DNAJC28: variants seen among roughly 807,000 people sequenced by gnomAD.
The protein encoded by DNAJC28 is dnaJ homolog subfamily C member 28.
Under a neutral mutation model 33.3 loss-of-function variants are expected in DNAJC28, and 24 were observed. That is an observed-to-expected ratio of 0.72 (90% CI 0.52 to 1.01). The LOEUF (loss-of-function observed/expected upper bound fraction) is 1.01. Ranked by LOEUF, DNAJC28 falls within the 50% of genes least tolerant of loss-of-function variation. The pLI is 0.00. For synonymous variants in DNAJC28, 120 were observed against 147.2 expected, an observed-to-expected ratio of 0.82 and a Z score of 1.34; for missense variants, 442 against 455.2, an observed-to-expected ratio of 0.97 and a Z score of 0.26.
At chr21:33,490,540 G>T (rs918033715) in intron 1 of DNAJC28, among the ~76,000 whole-genome samples, 2 of 151,990 alleles carry the variant, frequency 1.3e-5, no homozygotes, top group Non-Finnish European at 1.5e-5. Flanking sequence ...TTAGGAGGCC[G>T]AGGTGGGTGG....
rs763615269 is a variant in DNAJC28, at chr21:33,489,036, C to CT, written c.357dup (p.Glu120ArgfsTer10). On this transcript the variant is annotated frameshift_variant, in exon 2 of 2. Coordinates refer to ENST00000381947, the MANE Select transcript of DNAJC28 (RefSeq NM_001040192.3). LOFTEE classifies it high-confidence loss of function. Reference sequence around the variant, plus strand: ...TATTTGAATTTTTCTACATCTTCTTCTTCTTCACCTTTACTCTGACTGGCA... The same window carrying CT: ...TATTTGAATTTTTCTACATCTTCTTCTTTCTTCACCTTTACTCTGACTGGCA... The CT allele has an allele frequency of 2.5e-6, 4 of 1,612,346 alleles. No homozygotes were observed. The highest frequency in any genetic ancestry group is 3.4e-6 in the Non-Finnish European group (4 of 1,179,612).
Position 33,489,273 on chromosome 21 carries a change from A to T in DNAJC28, c.121T>A (p.Ser41Thr). The T allele has an allele frequency of 6.2e-7, 1 of 1,603,046 alleles. No homozygotes were observed. Among genetic ancestry groups the T allele is most frequent in the Non-Finnish European group, 8.5e-7 (1 of 1,176,846 alleles). Reference protein sequence around the residue: ...YFGIIRNRMMSTHKSKKKIRE... With the variant: ...YFGIIRNRMMTTHKSKKKIRE... ...ATCTTCTTTTTGGATTTATGGGTTG[A>T]CATCATTCTATTTCTAATGATACCA... The change falls in exon 2 of 2, where the codon TCA becomes ACA. Residue 41 changes from serine to threonine, a missense_variant. Ser to Thr is a moderately conservative substitution (Grantham distance 58). Coordinates refer to ENST00000381947, the MANE Select transcript of DNAJC28 (RefSeq NM_001040192.3).
intron 1 of DNAJC28, chr21:33,491,299 T>A (rs995412089): frequency 6.6e-6 from 1 of 152,222 alleles, no homozygotes; most frequent in African/African-American, 2.4e-5. Flanking sequence ...ATATAAACGC[T>A]AAAACGGAGC....
rs527606897 is a variant in DNAJC28, at chr21:33,488,822, CTCTG to C, written c.568_571del (p.Gln190AlafsTer6). The C allele has an allele frequency of 6.9e-5, 112 of 1,613,054 alleles. No individual in the cohort carries two copies. The highest frequency in any genetic ancestry group is 2.0e-4 in the African/African-American group (15 of 74,922). On this transcript the variant is annotated frameshift_variant, in exon 2 of 2. Transcript: ENST00000381947. LOFTEE classifies it high-confidence loss of function. ...AGCTTGCGTTATCTTTTGCTGTTTG[CTCTG>C]TCTTATATTTTTAACAATTACACTA...
Position 33,488,599 on chromosome 21 carries a change from A to G in DNAJC28, c.795T>C (p.Asp265=). 1 of 1,613,992 alleles carries G rather than the reference A, an allele frequency of 6.2e-7. No individual in the cohort carries two copies. The highest frequency in any genetic ancestry group is 8.5e-7 in the Non-Finnish European group (1 of 1,179,996). Residue 265 remains aspartate (D), a synonymous_variant, in exon 2 of 2, where the codon GAT becomes GAC. Transcript: ENST00000381947. ...TTGCCTCTCTGAGTTGCTCAATAGT[A>G]TCGCTTATTTCCTTTTGCTTAAGGA... ...EWILKQKEIS[D]TIEQLREAIL...
chr21:33,489,240 A>G lies in DNAJC28; in HGVS notation c.154T>C (p.Tyr52His), dbSNP rs2084497742. ...TCCTCCACGTTCAGCAGTCTATAATATTCTCTGATCTTCTTTTTGGATTTA... is the reference window on the plus strand; with the variant it reads ...TCCTCCACGTTCAGCAGTCTATAATGTTCTCTGATCTTCTTTTTGGATTTA... ...THKSKKKIRE[Y>H]YRLLNVEEGC... is the part of the protein sequence containing the mutation. Residue 52 changes from tyrosine to histidine, a missense_variant, in exon 2 of 2, where the codon TAT becomes CAT. Tyr to His is a moderately conservative substitution (Grantham distance 83). Transcript: ENST00000381947. The G allele has an allele frequency of 1.2e-6, 2 of 1,601,032 alleles. No homozygotes were observed. The highest frequency in any genetic ancestry group is 3.6e-5 in the Admixed American group (2 of 56,042).
chr21:33,488,101 T>C lies in DNAJC28; in HGVS notation c.*126A>G. On this transcript the variant is annotated 3_prime_UTR_variant, in exon 2 of 2. Transcript: ENST00000381947. ...TGATAGGTTTCTCACTCACACATCA[T>C]TGGCTATGTGATTAGTTTTGTGATA... is the stretch of plus-strand genomic sequence containing the variant. The C allele has an allele frequency of 2.7e-6, 2 of 748,282 alleles. No individual in the cohort carries two copies. The highest frequency in any genetic ancestry group is 4.0e-6 in the Non-Finnish European group (2 of 494,692). 46.4% of individuals were successfully genotyped at this position (748,282 alleles called of 1,614,324 possible).
intron 1 of DNAJC28, among the ~76,000 whole-genome samples, chr21:33,490,876 C>T (rs2084516311): frequency 6.6e-6 from 1 of 152,102 alleles, no homozygotes; most frequent in African/African-American, 2.4e-5. Flanking sequence ...AATGAGAAAA[C>T]GTAGGTCCGG....
intron 1 of DNAJC28, chr21:33,491,226 A>C (rs2084520227): frequency 6.6e-6 from 1 of 152,260 alleles, no homozygotes; most frequent in African/African-American, 2.4e-5. Flanking sequence ...CTCGAAGAGG[A>C]GGAAGACTTG....
chr21:33,489,321 G>A lies in DNAJC28; in HGVS notation c.73C>T (p.Arg25Ter), dbSNP rs748471111. 1.5e-5 allele frequency: 24 copies of A among 1,582,782 alleles called. No homozygotes were observed. In the African/African-American group the frequency reaches 2.0e-4, roughly 13 times the overall value. Residue 25 changes from arginine (R) to a stop codon, truncating the protein, a stop_gained, in exon 2 of 2, where the codon CGA becomes TGA. Coordinates refer to ENST00000381947, the MANE Select transcript of DNAJC28 (RefSeq NM_001040192.3). LOFTEE classifies it high-confidence loss of function. ...CCAAAATATGGAAGCATTTTCACTCGATTAGGAATCACTGTAGCCTTTATC... is the reference window on the plus strand; with the variant it reads ...CCAAAATATGGAAGCATTTTCACTCAATTAGGAATCACTGTAGCCTTTATC... ...HLIKATVIPN[R>*]VKMLPYFGII...
chr21:33,489,567 C>CTTTTT (rs769632462), intron 1 of DNAJC28, 143 bp from the exon 2 acceptor site: 17 of 359,570 alleles, frequency 4.7e-5, no homozygotes, highest in African/African-American at 2.1e-4. Flanking sequence ...CAACTTTTTC[C>CTTTTT]TTTTTTTTTT....
rs1444414475 is a variant in DNAJC28, at chr21:33,489,387, T to A, written c.7A>T (p.Thr3Ser). Residue 3 changes from threonine (T) to serine (S), a missense_variant, in exon 2 of 2, where the codon ACA (threonine) becomes TCA (serine). Thr to Ser is a moderately conservative substitution (Grantham distance 58). Coordinates refer to ENST00000381947, the MANE Select transcript of DNAJC28 (RefSeq NM_001040192.3). The stretch of plus-strand genomic sequence containing the variant: ...ATCTGAGCCATCATCACATACATTG[T>A]ATTCATTATTGTACCCAGAGTTCTT... MNTMYVMMAQILR... is the reference protein window; with the variant it reads MNSMYVMMAQILR... 5 of 1,512,490 alleles carry A rather than the reference T, an allele frequency of 3.3e-6. No homozygotes were observed. Among genetic ancestry groups the A allele is most frequent in the Non-Finnish European group, 3.5e-6 (4 of 1,135,738 alleles). 93.7% of individuals were successfully genotyped at this position (1,512,490 alleles called of 1,614,324 possible). A position where few individuals can be genotyped will look rare whatever the true frequency, so the allele number is the denominator to read the frequency against.
At chr21:33,490,354 G>T (rs564734776) in intron 1 of DNAJC28, among the ~76,000 whole-genome samples, 51 of 151,376 alleles carry the variant, frequency 3.4e-4, no homozygotes, top group African/African-American at 1.2e-3. Context: ...TGATCTGCCC[G>T]CCTCGACCTC....
rs1254880217 is a variant in DNAJC28 at position 33,488,896 on chromosome 21, C to T, written c.498G>A (p.Val166=). The part of the protein sequence containing the change: ...QFRADRAAEQ[V]MEYQKQKLQS... ...GTAGTTTCTGCTTTTGATATTCCAT[C>T]ACTTGTTCAGCAGCACGGTCTGCCC... Residue 166 remains valine, a synonymous_variant, in exon 2 of 2, where the codon GTG becomes GTA. Transcript: ENST00000381947. 1 of 1,611,062 alleles carries T rather than the reference C, an allele frequency of 6.2e-7. No homozygotes were observed. The highest frequency in any genetic ancestry group is 2.2e-5 in the East Asian group (1 of 44,886).
chr21:33,488,835 T>G lies in DNAJC28; in HGVS notation c.559A>C (p.Asn187His). The part of the protein sequence containing the change: ...QYFPDSVIVK[N>H]IRQSKQQKIT... ...TTTTGCTGTTTGCTCTGTCTTATAT[T>G]TTTAACAATTACACTATCAGGAAAA... The change falls in exon 2 of 2, where the codon AAT (asparagine) becomes CAT (histidine). Residue 187 changes from asparagine to histidine, a missense_variant. Asn to His is a moderately conservative substitution (Grantham distance 68). Coordinates refer to ENST00000381947, the MANE Select transcript of DNAJC28 (RefSeq NM_001040192.3). The G allele has an allele frequency of 6.2e-7, 1 of 1,611,808 alleles. No individual in the cohort carries two copies. The highest frequency in any genetic ancestry group is 8.5e-7 in the Non-Finnish European group (1 of 1,179,554).
In DNAJC28 at chr21:33,488,535, G is replaced by A; in HGVS notation, c.859C>T (p.Pro287Ser). Reference protein sequence around the residue: ...SRKKLGNPMTPTEKKQWNHVC... With the variant: ...SRKKLGNPMTSTEKKQWNHVC... ...TGGTTCCACTGTTTCTTTTCAGTTG[G>A]TGTCATTGGATTCCCAAGTTTTTTC... is the stretch of plus-strand genomic sequence containing the variant. Residue 287 changes from proline (P) to serine (S), a missense_variant, in exon 2 of 2, where the codon CCA becomes TCA. Transcript: ENST00000381947. 6.2e-7 allele frequency: 1 copy of A among 1,613,180 alleles called. No individual in the cohort carries two copies. The highest frequency in any genetic ancestry group is 8.5e-7 in the Non-Finnish European group (1 of 1,179,844).
At chr21:33,489,566 C>CA in intron 1 of DNAJC28, 142 bp from the exon 2 acceptor site, 1 of 429,782 alleles carries the variant, frequency 2.3e-6, no homozygotes, top group Non-Finnish European at 3.9e-6. Context: ...TCAACTTTTT[C>CA]CTTTTTTTTT....
At position 33,488,809 on chromosome 21, in the gene DNAJC28, C is replaced by G; in HGVS notation, c.585G>C (p.Lys195Asn). The change falls in exon 2 of 2, where the codon AAG (lysine) becomes AAC (asparagine). Residue 195 changes from lysine (K) to asparagine (N), a missense_variant. Transcript: ENST00000381947. ...VKNIRQSKQQKITQAIERLVE... is the reference protein window; with the variant it reads ...VKNIRQSKQQNITQAIERLVE... Reference sequence around the variant, plus strand: ...CTAAACGTTCTATAGCTTGCGTTATCTTTTGCTGTTTGCTCTGTCTTATAT... The same window carrying G: ...CTAAACGTTCTATAGCTTGCGTTATGTTTTGCTGTTTGCTCTGTCTTATAT... 1 of 1,613,532 alleles carries G rather than the reference C, an allele frequency of 6.2e-7. No individual in the cohort carries two copies. Among genetic ancestry groups the G allele is most frequent in the Non-Finnish European group, 8.5e-7 (1 of 1,179,936 alleles).
At position 33,489,144 on chromosome 21, in the gene DNAJC28, A is replaced by G; in HGVS notation, c.250T>C (p.Ser84Pro). The change falls in exon 2 of 2, where the codon TCT becomes CCT. Residue 84 changes from serine to proline, a missense_variant. Coordinates refer to ENST00000381947, the MANE Select transcript of DNAJC28 (RefSeq NM_001040192.3). ...LAKQYHPDSG[S>P]NTADSATFIR... Reference sequence around the variant, plus strand: ...AATGTTGCAGAATCAGCAGTATTAGAGCCACTGTCAGGATGATATTGCTTG... The same window carrying G: ...AATGTTGCAGAATCAGCAGTATTAGGGCCACTGTCAGGATGATATTGCTTG... 1 of 1,613,726 alleles carries G rather than the reference A, an allele frequency of 6.2e-7. No homozygotes were observed. Among genetic ancestry groups the G allele is most frequent in the East Asian group, 2.2e-5 (1 of 44,878 alleles).
Sources: allele counts gnomAD v4.1 joint callset (sites outside exome capture counted in the v4.1 genomes callset), GRCh38; gene constraint gnomAD v4.1.1; transcripts MANE v1.5; gene names NCBI Gene and HGNC (gene_info 2026-07-23, HGNC 2026-07-21).